Variants in TRIM61 observed in about 807,000 individuals in gnomAD.
TRIM61 encodes the protein putative tripartite motif-containing protein 61.
Under a neutral mutation model 14.2 loss-of-function variants are expected in TRIM61, and 1 was observed. The ratio of observed to expected loss-of-function variants is 0.07; its 90% CI spans 0.03 to 0.33. The LOEUF (loss-of-function observed/expected upper bound fraction) is 0.33. Among genes scored for constraint, TRIM61 ranks in the 10% least tolerant of loss-of-function variants. The probability of loss-of-function intolerance (pLI) is 0.99; values close to 1 mark genes in which losing one functional copy is unlikely to be tolerated. For synonymous variants in TRIM61, 8 were observed against 71.6 expected, an observed-to-expected ratio of 0.11 and a Z score of 4.49; for missense variants, 19 against 202.2, an observed-to-expected ratio of 0.09 and a Z score of 5.49.
intron 3 of TRIM61, among the ~76,000 whole-genome samples, chr4:164,965,974 C>T (rs1038709399): frequency 3.3e-5 from 5 of 152,016 alleles, no homozygotes; most frequent in Non-Finnish European, 5.9e-5. Flanking sequence ...AAACCAAGTT[C>T]GAAATGGAAA....
At chr4:164,965,945 T>C (rs1732230507) in intron 3 of TRIM61, among the ~76,000 whole-genome samples, 1 of 151,974 alleles carries the variant, frequency 6.6e-6, no homozygotes, top group African/African-American at 2.4e-5. Context: ...TACTGAAGGA[T>C]GTGCTCAAAT....
At chr4:164,968,101 G>A (rs1013109680) in intron 3 of TRIM61, 180 bp downstream of exon 3, 10 of 923,712 alleles carry the variant, frequency 1.1e-5, no homozygotes, top group East Asian at 2.4e-4. Flanking sequence ...GCAGTGAGCC[G>A]AGATCCTGGC....
At chr4:164,962,221 C>CTTT (rs10712896) in intron 3 of TRIM61, among the ~76,000 whole-genome samples, 1 of 128,912 alleles carries the variant, frequency 7.8e-6, no homozygotes, top group Non-Finnish European at 1.6e-5. Context: ...ATAGTTACTT[C>CTTT]TTTTTTTTTT....
intron 3 of TRIM61, chr4:164,956,836 A>AG (rs1732000160): frequency 1.6e-6 from 1 of 607,694 alleles, no homozygotes; most frequent in Non-Finnish European, 2.8e-6. Context: ...AAGGCTCTCA[A>AG]GGGGCTTCAG....
intron 2 of TRIM61, among the ~76,000 whole-genome samples, chr4:164,973,845 T>C (rs995050190): frequency 2.0e-5 from 3 of 152,228 alleles, no homozygotes; most frequent in Non-Finnish European, 4.4e-5. Flanking sequence ...AATACATACA[T>C]ATATAGAGAT....
At chr4:164,964,182 T>A (rs901675851) in intron 3 of TRIM61, among the ~76,000 whole-genome samples, 1 of 151,622 alleles carries the variant, frequency 6.6e-6, no homozygotes, top group Non-Finnish European at 1.5e-5. Context: ...ACCCCATCTC[T>A]ATTAAAAATA....
intron 2 of TRIM61, among the ~76,000 whole-genome samples, chr4:164,974,007 T>C (rs1430392529): frequency 6.6e-6 from 1 of 152,194 alleles, no homozygotes; most frequent in African/African-American, 2.4e-5. Context: ...TTGTCTCTCC[T>C]GAAAATACAA....
intron 3 of TRIM61, among the ~76,000 whole-genome samples, chr4:164,960,868 T>A (rs916327401): frequency 6.6e-6 from 1 of 151,764 alleles, no homozygotes; most frequent in Non-Finnish European, 1.5e-5. Flanking sequence ...GGAAAATCAC[T>A]TGAAACCAGG....
intron 3 of TRIM61, chr4:164,968,533 A>T: frequency 1.0e-6 from 1 of 985,784 alleles, no homozygotes; most frequent in Non-Finnish European, 1.2e-6. Flanking sequence ...CCAAAACTAG[A>T]TTCACTGGCT....
In TRIM61 at chr4:164,976,769, T is replaced by C. The variant is rs1019896124; in HGVS notation, c.-419A>G. On this transcript the variant is annotated 5_prime_UTR_variant, in exon 2 of 5. Coordinates refer to ENST00000329314, the MANE Select transcript of TRIM61 (RefSeq NM_001012414.3). ...GTTTCTGACTCAGTAGGGCTGGTTT[T>C]TTCCTAAGTTCCCAGATGATGCTGC... 1.3e-5 allele frequency: 2 copies of C among 152,232 alleles called. No individual in the cohort carries two copies. Among genetic ancestry groups the C allele is most frequent in the African/African-American group, 2.4e-5 (1 of 41,452 alleles). 9.4% of individuals were successfully genotyped at this position (152,232 alleles called of 1,614,324 possible).
intron 3 of TRIM61, among the ~76,000 whole-genome samples, chr4:164,963,887 G>T (rs9991678): frequency 6.6e-6 from 1 of 151,848 alleles, no homozygotes; most frequent in African/African-American, 2.4e-5. Flanking sequence ...GTCAAAGAGT[G>T]AGTCTCAGGG....
At chr4:164,957,398 A>G (rs1732033529) in intron 3 of TRIM61, 2 of 1,614,054 alleles carry the variant, frequency 1.2e-6, no homozygotes, top group Non-Finnish European at 1.7e-6. Context: ...AAAAGTCAGG[A>G]AGAGAACCAC....
At chr4:164,957,483 C>T (rs201341964) in intron 3 of TRIM61, 8 of 1,612,734 alleles carry the variant, frequency 5.0e-6, no homozygotes, top group Admixed American at 3.3e-5. Context: ...CCGCTGGGCT[C>T]ACCTGTCCTA....
At chr4:164,956,498 TCTC>T (rs1307040954) in intron 3 of TRIM61, among the ~76,000 whole-genome samples, 3 of 152,202 alleles carry the variant, frequency 2.0e-5, no homozygotes, top group African/African-American at 4.8e-5. Context: ...CCCAGCAACT[TCTC>T]CTGCCAATGG....
Position 164,957,148 on chromosome 4 carries a change from C to T in TRIM61, c.526-2052G>A, listed in dbSNP as rs1028800306. 17 of 1,608,762 alleles carry T rather than the reference C, an allele frequency of 1.1e-5. 1 individual carries two copies. The highest frequency in any genetic ancestry group is 6.7e-5 in the East Asian group (3 of 44,608). On this transcript the variant is annotated intron_variant, in intron 3 of 4. Transcript: ENST00000329314. Reference sequence around the variant, plus strand: ...GTTCCTGGTGCAGGGCTTCGGGTCTCCCTAACAGACCTTATACGCTGACCG... The same window carrying T: ...GTTCCTGGTGCAGGGCTTCGGGTCTTCCTAACAGACCTTATACGCTGACCG...
At chr4:164,957,023 A>G in intron 3 of TRIM61, 2 of 1,505,528 alleles carry the variant, frequency 1.3e-6, no homozygotes, top group Non-Finnish European at 1.8e-6. Flanking sequence ...ACCACAGTGG[A>G]TGGAAGGATG....
chr4:164,957,225 T>G, intron 3 of TRIM61: 1 of 1,613,778 alleles, frequency 6.2e-7, no homozygotes, highest in Non-Finnish European at 8.5e-7. Context: ...ACGACCACAT[T>G]CGTCCAACAG....
At chr4:164,959,820 C>A (rs1350019454) in intron 3 of TRIM61, among the ~76,000 whole-genome samples, 4 of 152,198 alleles carry the variant, frequency 2.6e-5, no homozygotes, top group Non-Finnish European at 5.9e-5. Context: ...AATACAAACA[C>A]ACCCTCACTA....
chr4:164,969,319 G>A (rs550435300), intron 3 of TRIM61: 2 of 1,474,750 alleles, frequency 1.4e-6, no homozygotes, highest in African/African-American at 2.8e-5. Flanking sequence ...ATTTTAATGA[G>A]GAGGTATAAT....
Sources: allele counts gnomAD v4.1 joint callset (sites outside exome capture counted in the v4.1 genomes callset), GRCh38; gene constraint gnomAD v4.1.1; transcripts MANE v1.5; gene names NCBI Gene and HGNC (gene_info 2026-07-23, HGNC 2026-07-21).